The following SORCS3 variants were observed in gnomAD, a reference collection of about 807,000 sequenced individuals.
SORCS3 encodes sortilin related VPS10 domain containing receptor 3.
SORCS3 carries 57 observed loss-of-function variants against 146.3 expected under a neutral mutation model. The ratio of observed to expected loss-of-function variants is 0.39; its 90% CI spans 0.31 to 0.49. SORCS3 has a LOEUF of 0.49. SORCS3 is among the 20% of genes least tolerant of loss of function. The pLI, the probability that SORCS3 is intolerant of heterozygous loss-of-function variation, is 0.92. For synonymous variants in SORCS3, 653 were observed against 618.5 expected, an observed-to-expected ratio of 1.06 and a Z score of -0.83; for missense variants, 1,341 against 1,575.5, an observed-to-expected ratio of 0.85 and a Z score of 2.52.
intron 19 of SORCS3, among the ~76,000 whole-genome samples, chr10:105,221,895 G>A (rs1024500771): frequency 1.3e-5 from 2 of 152,026 alleles, no homozygotes; most frequent in African/African-American, 4.8e-5. Flanking sequence ...ATGTAGGAAG[G>A]ATTAAAGAAG....
chr10:105,032,970 A>G (rs1041186357), intron 4 of SORCS3, among the ~76,000 whole-genome samples: 1 of 152,202 alleles, frequency 6.6e-6, no homozygotes, highest in Admixed American at 6.5e-5. Context: ...ATGGCTTAAT[A>G]TGAGATATTT....
chr10:105,145,180 A>G (rs2056122434), intron 8 of SORCS3, among the ~76,000 whole-genome samples: 1 of 152,152 alleles, frequency 6.6e-6, no homozygotes, highest in South Asian at 2.1e-4. Flanking sequence ...ATGCACACCA[A>G]AGTTATATCC....
intron 1 of SORCS3, among the ~76,000 whole-genome samples, chr10:104,696,782 A>ATAT: frequency 7.7e-6 from 1 of 129,142 alleles, no homozygotes; most frequent in Non-Finnish European, 1.6e-5. Flanking sequence ...ATATATATAT[A>ATAT]ATGGAATATT....
intron 1 of SORCS3, among the ~76,000 whole-genome samples, chr10:104,713,086 G>T (rs1299147733): frequency 1.3e-5 from 2 of 151,764 alleles, no homozygotes; most frequent in African/African-American, 4.8e-5. Flanking sequence ...ATTTGCACAG[G>T]GCCAGGCAGT....
At chr10:105,188,464 G>C in intron 14 of SORCS3, among the ~76,000 whole-genome samples, 1 of 152,136 alleles carries the variant, frequency 6.6e-6, no homozygotes, top group South Asian at 2.1e-4. Flanking sequence ...AGCCTCAACT[G>C]TGTACCATCA....
chr10:104,895,900 C>T (rs2018793397), intron 2 of SORCS3, among the ~76,000 whole-genome samples: 1 of 152,186 alleles, frequency 6.6e-6, no homozygotes, highest in Non-Finnish European at 1.5e-5. Context: ...AAATAAACAG[C>T]ACTGCTCATG....
At chr10:105,195,447 C>T (rs539837537) in intron 14 of SORCS3, among the ~76,000 whole-genome samples, 1 of 152,254 alleles carries the variant, frequency 6.6e-6, no homozygotes, top group Non-Finnish European at 1.5e-5. Context: ...GTCTTACTTC[C>T]ACAGATCTTG....
At chr10:104,952,239 G>C (rs1317699011) in intron 3 of SORCS3, among the ~76,000 whole-genome samples, 2 of 113,986 alleles carry the variant, frequency 1.8e-5, no homozygotes, top group Non-Finnish European at 3.3e-5. Flanking sequence ...GGTGATTCTG[G>C]TGCACATGAA....
chr10:105,008,224 G>A (rs1018784746), intron 4 of SORCS3, among the ~76,000 whole-genome samples: 2 of 152,136 alleles, frequency 1.3e-5, no homozygotes, highest in African/African-American at 2.4e-5. Flanking sequence ...GCACAAGACT[G>A]TGAACAATAG....
At chr10:105,123,295 A>G (rs2055948504) in intron 7 of SORCS3, among the ~76,000 whole-genome samples, 1 of 152,208 alleles carries the variant, frequency 6.6e-6, no homozygotes, top group Non-Finnish European at 1.5e-5. Flanking sequence ...TTCTAACCCT[A>G]AAACTCCACA....
rs2056630371 is a variant in SORCS3 at position 105,211,080 on chromosome 10, CGGTTATTTTAGCGT to C, written c.2262-56_2262-43del. The C allele has an allele frequency of 1.3e-5, 15 of 1,191,144 alleles. No individual in the cohort carries two copies. The South Asian group carries it at 1.9e-4, about 15-fold the overall frequency. The allele number at this position is 1,191,144 out of a possible 1,614,324, so 73.8% of individuals were successfully genotyped here. ...ACATGTATATGTTTGTGTGTGCCTG[CGGTTATTTTAGCGT>C]TTGTACATATATACTACTATGCAAT... On this transcript the variant is annotated intron_variant, in intron 16 of 26. Coordinates refer to ENST00000369701, the MANE Select transcript of SORCS3 (RefSeq NM_014978.3).
chr10:105,154,749 G>A (rs1388284221), intron 9 of SORCS3, among the ~76,000 whole-genome samples: 1 of 152,180 alleles, frequency 6.6e-6, no homozygotes, highest in Non-Finnish European at 1.5e-5. Flanking sequence ...AGAAATATAT[G>A]TGTACATACA....
intron 3 of SORCS3, among the ~76,000 whole-genome samples, chr10:104,954,871 TTTTTAC>T (rs1164016976): frequency 6.6e-6 from 1 of 152,188 alleles, no homozygotes; most frequent in African/African-American, 2.4e-5. Context: ...TTACTGCTAT[TTTTTAC>T]TTAACATTAT....
At chr10:104,692,619 T>A (rs971204901) in intron 1 of SORCS3, among the ~76,000 whole-genome samples, 1 of 152,190 alleles carries the variant, frequency 6.6e-6, no homozygotes, top group Non-Finnish European at 1.5e-5. Context: ...AAATGAAACA[T>A]TTCTCCAAGG....
intron 8 of SORCS3, among the ~76,000 whole-genome samples, chr10:105,142,780 T>C (rs1017611458): frequency 6.6e-6 from 1 of 152,214 alleles, no homozygotes; most frequent in Admixed American, 6.5e-5. Flanking sequence ...TGCAAGTCGT[T>C]TCAAATAAAA....
rs182829104 is a variant in SORCS3 at position 104,769,766 on chromosome 10, T to C, written c.628-73026T>C. ...CTCTGAGGCTTAAGTGTCCCCTCTC[T>C]GTGTGTGCGACCTTGAATAGGACTT... On this transcript the variant is annotated intron_variant, in intron 1 of 26. Coordinates refer to ENST00000369701, the MANE Select transcript of SORCS3 (RefSeq NM_014978.3). 2.0e-5 allele frequency among the ~76,000 whole-genome samples: 3 copies of C among 152,260 alleles called. No homozygotes were observed. In the East Asian group the frequency reaches 5.8e-4, roughly 29 times the overall value.
rs562046100 is a variant in SORCS3 at position 104,967,931 on chromosome 10, A to G, written c.796-9404A>G. 5.3e-5 allele frequency among the ~76,000 whole-genome samples: 8 copies of G among 151,928 alleles called. No homozygotes were observed. In the East Asian group the frequency reaches 1.6e-3, roughly 30 times the overall value. On this transcript the variant is annotated intron_variant, in intron 3 of 26. Coordinates refer to ENST00000369701, the MANE Select transcript of SORCS3 (RefSeq NM_014978.3). ...CACCTCAGGCTCCCAAAATGCTGGG[A>G]TTACTAGTGTGAGCCACCATACCTG...
intron 4 of SORCS3, among the ~76,000 whole-genome samples, chr10:104,979,878 G>A (rs2054922596): frequency 6.6e-6 from 1 of 152,234 alleles, no homozygotes; most frequent in South Asian, 2.1e-4. Context: ...TCATTAAATG[G>A]TTGGATGGTA....
chr10:104,872,938 G>A (rs977140961), intron 2 of SORCS3, among the ~76,000 whole-genome samples: 12 of 152,208 alleles, frequency 7.9e-5, no homozygotes, highest in African/African-American at 2.9e-4. Context: ...TGGAAGGACT[G>A]ATATGCCATT....
Sources: gnomAD v4.1 joint callset for allele counts (sites outside exome capture counted in the v4.1 genomes callset) on GRCh38, gnomAD v4.1.1 for gene constraint, MANE v1.5 for transcripts, NCBI Gene and HGNC (gene_info 2026-07-23, HGNC 2026-07-21) for gene names.